Variants in SPATA13 observed in about 807,000 individuals in gnomAD.
SPATA13 encodes spermatogenesis associated 13.
In SPATA13, 50 loss-of-function variants were observed where a neutral mutation model predicts 104.0. The observed-to-expected ratio is 0.48, with a 90% confidence interval of 0.38 to 0.61. SPATA13 has a LOEUF of 0.61. Ranked by LOEUF, SPATA13 falls within the 20% of genes least tolerant of loss-of-function variation. The probability of loss-of-function intolerance (pLI) is 0.00; values close to 1 mark genes in which losing one functional copy is unlikely to be tolerated. For synonymous variants in SPATA13, 606 were observed against 667.5 expected (o/e 0.91, Z 1.42); for missense variants, 1,524 against 1,690.6 (o/e 0.90, Z 1.73).
chr13:24,170,162 A>G (rs1381216363), intron 1 of SPATA13, among the ~76,000 whole-genome samples: 3 of 152,172 alleles, frequency 2.0e-5, no homozygotes, highest in African/African-American at 4.8e-5. Flanking sequence ...CTGCCTCAGT[A>G]TGTCTGATTT....
At chr13:24,202,522 T>C (rs1400339785) in intron 1 of SPATA13, among the ~76,000 whole-genome samples, 34 of 15,706 alleles carry the variant, frequency 2.2e-3, no homozygotes, top group Non-Finnish European at 3.4e-3. Flanking sequence ...TTCTTTCCCT[T>C]TTTTTTTTTT....
At chr13:24,284,413 C>A in intron 5 of SPATA13, 142 bp downstream of exon 5, 1 of 987,430 alleles carries the variant, frequency 1.0e-6, no homozygotes, top group Non-Finnish European at 1.4e-6. Flanking sequence ...CACTGTGATT[C>A]ACTTTGGAAG....
intron 4 of SPATA13, among the ~76,000 whole-genome samples, chr13:24,270,348 CTT>C (rs1214137167): frequency 3.3e-5 from 5 of 152,268 alleles, no homozygotes; most frequent in South Asian, 2.1e-4. Flanking sequence ...TTATAGCTAA[CTT>C]AATGTAATCT....
chr13:24,178,886 A>AT (rs1868610367), intron 1 of SPATA13, among the ~76,000 whole-genome samples: 2 of 152,164 alleles, frequency 1.3e-5, no homozygotes, highest in Non-Finnish European at 2.9e-5. Context: ...ATTTGAAGAC[A>AT]TTTTCATCCC....
At chr13:24,159,701 T>A (rs1269413063), upstream of SPATA13, among the ~76,000 whole-genome samples, 2 of 152,230 alleles carry the variant, frequency 1.3e-5, no homozygotes, top group African/African-American at 2.4e-5. Context: ...ATACAGAGTT[T>A]TTTCAATATT....
At chr13:24,101,984 T>C (rs1043360856) in intron 3 of SPATA13, among the ~76,000 whole-genome samples, 1 of 152,250 alleles carries the variant, frequency 6.6e-6, no homozygotes, top group African/African-American at 2.4e-5. Flanking sequence ...TTTAGTTCTT[T>C]TGGATATATA....
chr13:24,198,108 G>A (rs1870176047), intron 1 of SPATA13, among the ~76,000 whole-genome samples: 2 of 152,090 alleles, frequency 1.3e-5, no homozygotes, highest in Non-Finnish European at 2.9e-5. Flanking sequence ...CGATTCTCCT[G>A]CCTCAGCCTC....
Position 24,289,258 on chromosome 13 carries a change from CTT to C in SPATA13, c.2847+83_2847+84del, listed in dbSNP as rs539961650. The C allele has an allele frequency of 7.4e-5, 89 of 1,209,672 alleles. No homozygotes were observed. In the African/African-American group the frequency reaches 1.0e-3, roughly 14 times the overall value. 74.9% of individuals were successfully genotyped at this position (1,209,672 alleles called of 1,614,324 possible). A position where few individuals can be genotyped will look rare whatever the true frequency, so the allele number is the denominator to read the frequency against. On this transcript the variant is annotated intron_variant, in intron 8 of 12. Coordinates refer to ENST00000382108, the MANE Select transcript of SPATA13 (RefSeq NM_001166271.3). ...GCATCTCCACAGAAAACAGGAGTCT[CTT>C]TTGTTTTATTGTTTGTTTGCTAGAT... is the stretch of plus-strand genomic sequence containing the variant.
chr13:24,113,745 C>G (rs1334056213), intron 3 of SPATA13, among the ~76,000 whole-genome samples: 1 of 151,558 alleles, frequency 6.6e-6, no homozygotes, highest in Non-Finnish European at 1.5e-5. Context: ...TGGTGCATGC[C>G]TATAATCCCA....
chr13:24,097,207 C>T (rs772236436), intron 3 of SPATA13, among the ~76,000 whole-genome samples: 19 of 152,174 alleles, frequency 1.2e-4, no homozygotes, highest in Non-Finnish European at 2.4e-4. Flanking sequence ...TAATAGTTCT[C>T]ATGCACTGAC....
At chr13:24,185,673 G>A (rs1869097059) in intron 1 of SPATA13, among the ~76,000 whole-genome samples, 1 of 151,704 alleles carries the variant, frequency 6.6e-6, no homozygotes, top group South Asian at 2.1e-4. Context: ...CATCATAATT[G>A]AAGGTTTCTC....
chr13:23,996,344 TA>T (rs1038087895), intron 2 of SPATA13, among the ~76,000 whole-genome samples: 8 of 152,172 alleles, frequency 5.3e-5, no homozygotes, highest in African/African-American at 1.9e-4. Context: ...GAGAAGGGCA[TA>T]AAATTCAGAT....
intron 3 of SPATA13, among the ~76,000 whole-genome samples, chr13:24,049,079 A>G (rs1358841639): frequency 6.6e-6 from 1 of 152,206 alleles, no homozygotes; most frequent in Non-Finnish European, 1.5e-5. Flanking sequence ...AAGATAAGAA[A>G]TGTCTAAAGT....
At chr13:24,090,053 T>C (rs1156586538) in intron 3 of SPATA13, among the ~76,000 whole-genome samples, 3 of 152,216 alleles carry the variant, frequency 2.0e-5, no homozygotes, top group East Asian at 1.9e-4. Flanking sequence ...CATATCAAGT[T>C]GGTGATTAAG....
intron 2 of SPATA13, chr13:24,224,869 T>C (rs576654659): frequency 1.9e-5 from 9 of 470,602 alleles, no homozygotes; most frequent in Non-Finnish European, 3.6e-5. Flanking sequence ...AGGTACTAGA[T>C]TCTGGGGGAA....
intron 3 of SPATA13, among the ~76,000 whole-genome samples, chr13:24,024,578 A>G (rs1176624494): frequency 3.3e-5 from 5 of 151,962 alleles, no homozygotes; most frequent in African/African-American, 9.7e-5. Context: ...GCACGGTTCT[A>G]CAGAGCAGCT....
Position 24,207,299 on chromosome 13 carries a change from AC to A in SPATA13, c.-111-15519del, listed in dbSNP as rs368496229. Among the ~76,000 whole-genome samples the A allele has an allele frequency of 2.6e-4, 39 of 152,336 alleles. No individual in the cohort carries two copies. In the East Asian group the frequency reaches 4.4e-3, roughly 17 times the overall value. The stretch of plus-strand genomic sequence containing the variant: ...CTTAATACCGAGGTGATAGGATGAT[AC>A]GTGCAGCAAACCACCATGGCATACG... On this transcript the variant is annotated intron_variant, in intron 1 of 12. Coordinates refer to ENST00000382108, the MANE Select transcript of SPATA13 (RefSeq NM_001166271.3).
intron 3 of SPATA13, among the ~76,000 whole-genome samples, chr13:24,134,312 T>TGTAA (rs1881484853): frequency 1.3e-5 from 2 of 152,170 alleles, no homozygotes; most frequent in South Asian, 4.1e-4. Flanking sequence ...CCATGAAAAG[T>TGTAA]GTAAGCCCTG....
chr13:24,185,741 G>T (rs1170437374), intron 1 of SPATA13, among the ~76,000 whole-genome samples: 6 of 148,638 alleles, frequency 4.0e-5, no homozygotes, highest in Non-Finnish European at 5.9e-5. Flanking sequence ...TTTTTCATGA[G>T]CCCTGTGTTA....
Sources: gnomAD v4.1 joint callset for allele counts (sites outside exome capture counted in the v4.1 genomes callset) on GRCh38, gnomAD v4.1.1 for gene constraint, MANE v1.5 for transcripts, NCBI Gene and HGNC (gene_info 2026-07-23, HGNC 2026-07-21) for gene names.